TTC28: variants seen among roughly 807,000 people sequenced by gnomAD.
The protein encoded by TTC28 is tetratricopeptide repeat protein 28.
In TTC28, 61 loss-of-function variants were observed where a neutral mutation model predicts 198.0. The observed-to-expected ratio is 0.31, with a 90% confidence interval of 0.25 to 0.38. TTC28 has a LOEUF of 0.38. Ranked by LOEUF, TTC28 falls within the 10% of genes least tolerant of loss-of-function variation. The pLI is 1.00. For synonymous variants in TTC28, 1,171 were observed against 1,297.8 expected (o/e 0.90, Z 2.10); for missense variants, 2,678 against 3,164.0 (o/e 0.85, Z 3.69).
At chr22:28,584,026 T>TTTG in intron 2 of TTC28, among the ~76,000 whole-genome samples, 2 of 146,982 alleles carry the variant, frequency 1.4e-5, no homozygotes, top group South Asian at 2.1e-4. Flanking sequence ...GTTTTTTTTT[T>TTTG]TTTTTTTGGC....
intron 2 of TTC28, among the ~76,000 whole-genome samples, chr22:28,388,382 A>G (rs1268378572): frequency 6.6e-6 from 1 of 152,204 alleles, no homozygotes; most frequent in African/African-American, 2.4e-5. Flanking sequence ...TTCTGTGAAG[A>G]AAGTCATTGG....
chr22:28,414,661 A>G (rs1449524398), intron 2 of TTC28, among the ~76,000 whole-genome samples: 1 of 152,202 alleles, frequency 6.6e-6, no homozygotes, highest in Admixed American at 6.5e-5. Flanking sequence ...TATGGGGAAG[A>G]ATTGAAGAGG....
intron 5 of TTC28, among the ~76,000 whole-genome samples, chr22:28,255,896 G>A (rs1360194927): frequency 2.0e-5 from 3 of 152,104 alleles, no homozygotes; most frequent in Non-Finnish European, 4.4e-5. Flanking sequence ...GTTTGTTATA[G>A]TAGGATAAGC....
At chr22:28,214,980 T>C (rs1927265683) in intron 5 of TTC28, among the ~76,000 whole-genome samples, 1 of 152,132 alleles carries the variant, frequency 6.6e-6, no homozygotes, top group African/African-American at 2.4e-5. Context: ...ACGTCCTTCG[T>C]AGGGACATGC....
intron 14 of TTC28, chr22:28,006,620 C>T (rs965641003): frequency 6.6e-6 from 1 of 152,336 alleles, no homozygotes; most frequent in Non-Finnish European, 1.5e-5. Context: ...ACCTCATCTT[C>T]ACGTCACCAT....
intron 2 of TTC28, among the ~76,000 whole-genome samples, chr22:28,531,065 C>T (rs2049125204): frequency 6.6e-6 from 1 of 152,056 alleles, no homozygotes. Flanking sequence ...ACAATATTAA[C>T]CTTAAATGTA....
chr22:28,269,303 G>C (rs1220628837), intron 5 of TTC28, among the ~76,000 whole-genome samples: 1 of 151,894 alleles, frequency 6.6e-6, no homozygotes, highest in Non-Finnish European at 1.5e-5. Flanking sequence ...TGAATACAGG[G>C]TCCCTCGGGA....
intron 5 of TTC28, among the ~76,000 whole-genome samples, chr22:28,185,258 C>G (rs1359478631): frequency 6.6e-6 from 1 of 152,184 alleles, no homozygotes; most frequent in Non-Finnish European, 1.5e-5. Flanking sequence ...CTACACAGAA[C>G]TCACGGTCCC....
intron 17 of TTC28, chr22:27,994,576 C>T (rs1334257703): frequency 6.6e-6 from 1 of 152,148 alleles, no homozygotes; most frequent in Non-Finnish European, 1.5e-5. Context: ...ACGATCAGCC[C>T]TGGCTGTCCC....
chr22:28,438,250 TAA>T (rs2047554074), intron 2 of TTC28, among the ~76,000 whole-genome samples: 1 of 152,232 alleles, frequency 6.6e-6, no homozygotes, highest in Admixed American at 6.5e-5. Flanking sequence ...TATTAAAATT[TAA>T]GACTTAGCCT....
At chr22:28,204,982 A>G (rs939937524) in intron 5 of TTC28, among the ~76,000 whole-genome samples, 1 of 152,146 alleles carries the variant, frequency 6.6e-6, no homozygotes, top group African/African-American at 2.4e-5. Context: ...TTTGGACCAA[A>G]TGCCAAAATC....
intron 5 of TTC28, among the ~76,000 whole-genome samples, chr22:28,199,383 T>TATATA (rs1925678551): frequency 8.4e-6 from 1 of 118,528 alleles, no homozygotes; most frequent in African/African-American, 3.3e-5. Context: ...ACATTAAAAA[T>TATATA]TATATATATA....
intron 22 of TTC28, among the ~76,000 whole-genome samples, chr22:27,985,025 G>A (rs1296352964): frequency 2.0e-5 from 3 of 152,184 alleles, no homozygotes; most frequent in Non-Finnish European, 4.4e-5. Context: ...CCAGTCCCTT[G>A]CCCTGCTTGA....
chr22:28,632,768 TAA>T (rs113714992), intron 1 of TTC28, among the ~76,000 whole-genome samples: 19 of 141,880 alleles, frequency 1.3e-4, no homozygotes, highest in Admixed American at 2.9e-4. Context: ...TGTAAGTTAT[TAA>T]AAAAAAAAAA....
intron 2 of TTC28, among the ~76,000 whole-genome samples, chr22:28,616,713 G>A (rs1051272118): frequency 1.3e-5 from 2 of 152,024 alleles, no homozygotes; most frequent in African/African-American, 4.8e-5. Flanking sequence ...TAGTCGTAGT[G>A]GCATGCGCCT....
At chr22:28,344,447 C>T (rs1381276542) in intron 2 of TTC28, among the ~76,000 whole-genome samples, 2 of 152,060 alleles carry the variant, frequency 1.3e-5, no homozygotes, top group African/African-American at 4.8e-5. Context: ...ACTGACACCA[C>T]TAGCCAAATC....
chr22:28,336,819 C>G (rs1412647659), intron 2 of TTC28, among the ~76,000 whole-genome samples: 1 of 151,804 alleles, frequency 6.6e-6, no homozygotes, highest in Non-Finnish European at 1.5e-5. Context: ...TTTTGAGGGG[C>G]TTTTTGTGTC....
rs1364202353 is a variant in TTC28 at position 28,108,348 on chromosome 22, G to A, written c.1497C>T (p.Thr499=). The A allele has an allele frequency of 6.7e-7, 1 of 1,489,636 alleles. No homozygotes were observed. Among genetic ancestry groups the A allele is most frequent in the Non-Finnish European group, 9.0e-7 (1 of 1,113,738 alleles). 92.3% of individuals were successfully genotyped at this position (1,489,636 alleles called of 1,614,324 possible). ...TCAGCTCCTGGGCAATGCACAGGTG[G>A]GTCTTGTGGAGTTTCAGTGCAGTGT... ...DYDTALKLHK[T]HLCIAQELSD... The change falls in exon 7 of 23, where the codon ACC becomes ACT. Residue 499 remains threonine, a synonymous_variant. Coordinates refer to ENST00000397906, the MANE Select transcript of TTC28 (RefSeq NM_001145418.2).
intron 12 of TTC28, among the ~76,000 whole-genome samples, chr22:28,048,196 T>G (rs1042586016): frequency 1.3e-5 from 2 of 152,062 alleles, no homozygotes; most frequent in East Asian, 1.9e-4. Flanking sequence ...CAGAATGGAA[T>G]GTACTCATTC....
Sources: allele counts gnomAD v4.1 joint callset (sites outside exome capture counted in the v4.1 genomes callset), GRCh38; gene constraint gnomAD v4.1.1; transcripts MANE v1.5; gene names NCBI Gene and HGNC (gene_info 2026-07-23, HGNC 2026-07-21).